Variants in TECPR2 observed in about 807,000 individuals in gnomAD.
The protein encoded by TECPR2 is tectonin beta-propeller repeat containing 2, also known as tectonin beta-propeller repeat-containing protein 2.
A neutral mutation model predicts 138.1 loss-of-function variants in TECPR2; 65 were observed. The ratio of observed to expected loss-of-function variants is 0.47; its 90% CI spans 0.39 to 0.58. The LOEUF is 0.58. Ranked by LOEUF, TECPR2 falls within the 20% of genes least tolerant of loss-of-function variation. TECPR2 has a pLI of 0.00. For missense variants in TECPR2, 1,553 were observed against 1,824.5 expected (o/e 0.85, Z 2.71); for synonymous variants, 746 against 749.8 (o/e 0.99, Z 0.08).
chr14:102,498,061 C>G, intron 19 of TECPR2, 42 bp from the exon 20 acceptor site: 1 of 1,598,724 alleles, frequency 6.3e-7, no homozygotes, highest in Non-Finnish European at 8.5e-7. Flanking sequence ...ACCCCACAGG[C>G]TGTGTGATTG....
At chr14:102,458,401 C>T (rs1489088946) in intron 16 of TECPR2, among the ~76,000 whole-genome samples, 1 of 152,184 alleles carries the variant, frequency 6.6e-6, no homozygotes, top group Admixed American at 6.5e-5. Context: ...TTCCTCAAAC[C>T]CAGCTCAGAT....
intron 17 of TECPR2, among the ~76,000 whole-genome samples, chr14:102,481,806 C>A (rs143749207): frequency 5.6e-4 from 86 of 152,284 alleles, no homozygotes; most frequent in African/African-American, 2.0e-3. Flanking sequence ...TTCTGGTTGA[C>A]TCTCTGCGGG....
intron 5 of TECPR2, among the ~76,000 whole-genome samples, chr14:102,416,721 C>T (rs939548686): frequency 2.7e-4 from 41 of 152,336 alleles, no homozygotes; most frequent in South Asian, 1.0e-3. Flanking sequence ...CAGTGGCTCA[C>T]GCCTGTAATC....
intron 5 of TECPR2, among the ~76,000 whole-genome samples, chr14:102,422,192 T>C (rs762518005): frequency 1.5e-4 from 23 of 152,202 alleles, no homozygotes; most frequent in Non-Finnish European, 3.2e-4. Context: ...GAAATGCTCA[T>C]AGCACAATTG....
chr14:102,435,851 G>A (rs1889656800), intron 9 of TECPR2, among the ~76,000 whole-genome samples: 1 of 152,170 alleles, frequency 6.6e-6, no homozygotes, highest in Non-Finnish European at 1.5e-5. Context: ...TTTTTTAAAA[G>A]TGCCTACTTC....
intron 5 of TECPR2, among the ~76,000 whole-genome samples, chr14:102,423,665 G>A (rs1388335585): frequency 2.0e-5 from 3 of 152,086 alleles, no homozygotes; most frequent in Non-Finnish European, 4.4e-5. Context: ...TTCACACAAC[G>A]AAGACATCGC....
chr14:102,447,138 T>C (rs558301687), intron 13 of TECPR2, among the ~76,000 whole-genome samples: 2 of 152,304 alleles, frequency 1.3e-5, no homozygotes, highest in South Asian at 4.1e-4. Context: ...GCGCCTAGAA[T>C]GAATTTCTCT....
At chr14:102,465,365 G>T in intron 17 of TECPR2, 76 bp downstream of exon 17, 2 of 1,573,924 alleles carry the variant, frequency 1.3e-6, no homozygotes, top group Non-Finnish European at 8.6e-7. Flanking sequence ...TGGGAAAAAG[G>T]ATCTGCACAG....
intron 2 of TECPR2, among the ~76,000 whole-genome samples, chr14:102,378,165 C>T (rs1406281130): frequency 6.6e-6 from 1 of 152,190 alleles, no homozygotes; most frequent in Non-Finnish European, 1.5e-5. Flanking sequence ...CCACATGGGA[C>T]TCTATTCTGT....
rs764422441 is a variant in TECPR2, at chr14:102,425,126, C to A, written c.786C>A (p.Ala262=). 1 of 1,614,092 alleles carries A rather than the reference C, an allele frequency of 6.2e-7. No individual in the cohort carries two copies. Among genetic ancestry groups the A allele is most frequent in the East Asian group, 2.2e-5 (1 of 44,876 alleles). Residue 262 remains alanine (A), a synonymous_variant, in exon 6 of 20, where the codon GCC becomes GCA. Coordinates refer to ENST00000359520, the MANE Select transcript of TECPR2 (RefSeq NM_014844.5). ...CGTTTATCTTAAAAGATGCTTTTGC[C>A]GGGGGAGTCAAGCCTTTTGAACTGC... ...QATFILKDAF[A]GGVKPFELHP...
At position 102,419,583 on chromosome 14, in the gene TECPR2, G is replaced by A. The variant is rs1234242085; in HGVS notation, c.638+4790G>A. Reference sequence around the variant, plus strand: ...AAACCGGGACAGAGACTCTCTTCCAGAGAAAGGGCAGGGCACTGAGCACAG... The same window carrying A: ...AAACCGGGACAGAGACTCTCTTCCAAAGAAAGGGCAGGGCACTGAGCACAG... On this transcript the variant is annotated intron_variant, in intron 5 of 19. Transcript: ENST00000359520. The surrounding 1 kb of genome is among the most constrained non-coding windows in gnomAD (Gnocchi z 4.8). Among the ~76,000 whole-genome samples, 1 of 152,118 alleles carries A rather than the reference G, an allele frequency of 6.6e-6. No individual in the cohort carries two copies. The highest frequency in any genetic ancestry group is 1.5e-5 in the Non-Finnish European group (1 of 68,018).
intron 12 of TECPR2, among the ~76,000 whole-genome samples, chr14:102,444,967 A>T (rs180678030): frequency 6.6e-6 from 1 of 152,322 alleles, no homozygotes; most frequent in Admixed American, 6.5e-5. Flanking sequence ...GACAAAAAAA[A>T]GCAACAACAA....
chr14:102,432,150 C>T (rs774107907), intron 8 of TECPR2, 22 bp downstream of exon 8: 1 of 1,505,728 alleles, frequency 6.6e-7, no homozygotes, highest in Non-Finnish European at 8.9e-7. Flanking sequence ...AGCTGGCACA[C>T]ACCCATCTGG....
At chr14:102,405,614 G>T (rs968122319) in intron 2 of TECPR2, among the ~76,000 whole-genome samples, 3 of 152,212 alleles carry the variant, frequency 2.0e-5, no homozygotes, top group Non-Finnish European at 2.9e-5. Context: ...CAGTATGGTG[G>T]TTGCTCAAAA....
intron 1 of TECPR2, among the ~76,000 whole-genome samples, chr14:102,374,140 A>G (rs1887584214): frequency 6.6e-6 from 1 of 151,844 alleles, no homozygotes; most frequent in Non-Finnish European, 1.5e-5. Context: ...TGCTATACAG[A>G]TTTAGGGAAT....
intron 2 of TECPR2, among the ~76,000 whole-genome samples, chr14:102,391,749 A>G (rs1888183161): frequency 1.3e-5 from 2 of 152,086 alleles, no homozygotes; most frequent in Admixed American, 6.6e-5. Context: ...ATTACCCACT[A>G]TACATGGGTG....
At chr14:102,407,160 C>CTGTTTT (rs1424189512) in intron 2 of TECPR2, among the ~76,000 whole-genome samples, 178 bp from the exon 3 acceptor site, 3 of 151,918 alleles carry the variant, frequency 2.0e-5, no homozygotes, top group South Asian at 2.1e-4. Context: ...ACGCCCAGCC[C>CTGTTTT]TGTTTTTGTT....
chr14:102,394,550 C>T (rs1407730100), intron 2 of TECPR2, among the ~76,000 whole-genome samples: 1 of 152,130 alleles, frequency 6.6e-6, no homozygotes, highest in African/African-American at 2.4e-5. Context: ...CTGCAGTGAG[C>T]CATGATCGGG....
At chr14:102,464,744 T>C (rs1265416274) in intron 16 of TECPR2, among the ~76,000 whole-genome samples, 1 of 152,222 alleles carries the variant, frequency 6.6e-6, no homozygotes, top group East Asian at 1.9e-4. Context: ...TCTCCAAATC[T>C]AGAATTTGCT....
Sources: gnomAD v4.1 joint callset for allele counts (sites outside exome capture counted in the v4.1 genomes callset) on GRCh38, gnomAD v4.1.1 for gene constraint, Gnocchi (gnomAD v3.1) non-coding constraint, MANE v1.5 for transcripts, NCBI Gene and HGNC (gene_info 2026-07-23, HGNC 2026-07-21) for gene names.